The following SRPK2 variants were observed in gnomAD, a reference collection of about 807,000 sequenced individuals.
SRPK2 encodes SRSF protein kinase 2.
SRPK2 carries 21 observed loss-of-function variants against 90.8 expected under a neutral mutation model. The observed-to-expected ratio is 0.23, with a 90% CI of 0.16 to 0.33. The LOEUF is 0.33. Among genes scored for constraint, SRPK2 ranks in the 10% least tolerant of loss-of-function variants. SRPK2 has a pLI of 1.00. For missense variants in SRPK2, 620 were observed against 869.0 expected, an observed-to-expected ratio of 0.71 and a Z score of 3.60; for synonymous variants, 288 against 311.1, an observed-to-expected ratio of 0.93 and a Z score of 0.78.
At chr7:105,200,947 T>G (rs553910300) in intron 3 of SRPK2, among the ~76,000 whole-genome samples, 1 of 152,354 alleles carries the variant, frequency 6.6e-6, no homozygotes, top group African/African-American at 2.4e-5. Context: ...TAGTGAAGTA[T>G]CAGTGTTAAA....
At chr7:105,395,862 T>G (rs1260498250) in intron 1 of SRPK2, among the ~76,000 whole-genome samples, 31 of 152,208 alleles carry the variant, frequency 2.0e-4, no homozygotes, top group Admixed American at 2.0e-3. Flanking sequence ...GTATACCAAA[T>G]TAATTATCAA....
At chr7:105,348,436 T>G (rs866353272) in intron 2 of SRPK2, among the ~76,000 whole-genome samples, 1 of 149,964 alleles carries the variant, frequency 6.7e-6, no homozygotes, top group Non-Finnish European at 1.5e-5. Flanking sequence ...TTTTTTTTTT[T>G]TTTTTTGAGA....
chr7:105,246,292 A>C (rs1439781446), intron 2 of SRPK2, among the ~76,000 whole-genome samples: 1 of 151,946 alleles, frequency 6.6e-6, no homozygotes, highest in African/African-American at 2.4e-5. Flanking sequence ...CCTCCCCCTC[A>C]CCCTGCAACA....
intron 2 of SRPK2, among the ~76,000 whole-genome samples, chr7:105,207,837 C>T (rs572781926): frequency 1.1e-4 from 17 of 152,244 alleles, no homozygotes; most frequent in African/African-American, 4.1e-4. Flanking sequence ...CTTCAAAGGG[C>T]ACCATCAAGA....
chr7:105,185,836 A>G (rs1793507270), intron 3 of SRPK2, among the ~76,000 whole-genome samples: 1 of 152,192 alleles, frequency 6.6e-6, no homozygotes, highest in African/African-American at 2.4e-5. Flanking sequence ...TTAGGCACCC[A>G]ACATAGCAAT....
At chr7:105,131,107 C>T (rs1455276562) in intron 13 of SRPK2, among the ~76,000 whole-genome samples, 3 of 152,188 alleles carry the variant, frequency 2.0e-5, no homozygotes, top group Non-Finnish European at 4.4e-5. Flanking sequence ...TCCGTGACTG[C>T]GTCCTATTTT....
intron 2 of SRPK2, among the ~76,000 whole-genome samples, chr7:105,338,072 AAG>A (rs1158568998): frequency 1.7e-5 from 2 of 118,260 alleles, no homozygotes; most frequent in Non-Finnish European, 3.4e-5. Context: ...TTAAAAAAGA[AAG>A]AATATTAAAA....
At chr7:105,320,952 T>C (rs1426186315) in intron 2 of SRPK2, among the ~76,000 whole-genome samples, 2 of 152,154 alleles carry the variant, frequency 1.3e-5, no homozygotes, top group Non-Finnish European at 2.9e-5. Context: ...TGCCTCAGCC[T>C]CCTGAGTAGG....
intron 2 of SRPK2, among the ~76,000 whole-genome samples, chr7:105,317,727 CAAT>C (rs746438072): frequency 5.3e-5 from 8 of 152,184 alleles, no homozygotes; most frequent in Non-Finnish European, 1.0e-4. Flanking sequence ...AAATGTCCAA[CAAT>C]GTCATTCTTC....
intron 2 of SRPK2, among the ~76,000 whole-genome samples, chr7:105,343,984 G>A (rs1038865128): frequency 2.6e-5 from 4 of 152,112 alleles, no homozygotes; most frequent in Middle Eastern, 3.4e-3. Context: ...GGCTGGTCTC[G>A]AACTCCTGAC....
chr7:105,195,284 C>T (rs540214516), intron 3 of SRPK2, among the ~76,000 whole-genome samples: 1 of 152,192 alleles, frequency 6.6e-6, no homozygotes, highest in East Asian at 1.9e-4. Flanking sequence ...CTCCTGACCT[C>T]GTGATCTGCC....
At chr7:105,385,293 G>C (rs993507440) in intron 2 of SRPK2, among the ~76,000 whole-genome samples, 2 of 144,002 alleles carry the variant, frequency 1.4e-5, no homozygotes, top group Non-Finnish European at 3.0e-5. Flanking sequence ...CCATTCTCTC[G>C]CCTCAGCCTC....
At chr7:105,255,233 A>C (rs1585383543) in intron 2 of SRPK2, among the ~76,000 whole-genome samples, 1 of 151,664 alleles carries the variant, frequency 6.6e-6, no homozygotes, top group Non-Finnish European at 1.5e-5. Context: ...TGAAAAGAGC[A>C]ATGTTAATTA....
intron 2 of SRPK2, among the ~76,000 whole-genome samples, chr7:105,226,748 G>C (rs772234464): frequency 6.7e-6 from 1 of 149,450 alleles, no homozygotes; most frequent in Non-Finnish European, 1.5e-5. Flanking sequence ...GCTCATACCT[G>C]TAATCCTGGG....
upstream of SRPK2, chr7:105,388,970 C>A: frequency 9.1e-7 from 1 of 1,093,900 alleles, no homozygotes; most frequent in African/African-American, 1.7e-5. Context: ...CAAGACCCGC[C>A]CCCGTCCGGC....
chr7:105,298,019 C>G (rs1368955378), intron 2 of SRPK2, among the ~76,000 whole-genome samples: 1 of 152,164 alleles, frequency 6.6e-6, no homozygotes, highest in Non-Finnish European at 1.5e-5. Flanking sequence ...GGATGACAGG[C>G]GTGAGCCACC....
At chr7:105,372,704 C>T (rs1819837360) in intron 2 of SRPK2, among the ~76,000 whole-genome samples, 1 of 152,260 alleles carries the variant, frequency 6.6e-6, no homozygotes, top group Admixed American at 6.5e-5. Context: ...AATCTGGCAA[C>T]TCCAGGTAAT....
At position 105,116,839 on chromosome 7, in the gene SRPK2, G is replaced by T. The variant is rs1317215184; in HGVS notation, c.*999C>A. 1 of 152,174 alleles carries T rather than the reference G, an allele frequency of 6.6e-6. No homozygotes were observed. Among genetic ancestry groups the T allele is most frequent in the Admixed American group, 6.5e-5 (1 of 15,278 alleles). 9.4% of individuals were successfully genotyped at this position (152,174 alleles called of 1,614,324 possible). On this transcript the variant is annotated 3_prime_UTR_variant, in exon 16 of 16. Transcript: ENST00000393651. ...ATCTTTGAGCTGTGAGAAGTATTCT[G>T]CCCACTGCACTGCAAATTGTATATA...
At chr7:105,191,301 A>C (rs1351350797) in intron 3 of SRPK2, among the ~76,000 whole-genome samples, 2 of 152,132 alleles carry the variant, frequency 1.3e-5, no homozygotes, top group Non-Finnish European at 2.9e-5. Context: ...AGGCATGGTG[A>C]CTCATGCCCA....
Sources: gnomAD v4.1 joint callset for allele counts (sites outside exome capture counted in the v4.1 genomes callset) on GRCh38, gnomAD v4.1.1 for gene constraint, MANE v1.5 for transcripts, NCBI Gene and HGNC (gene_info 2026-07-23, HGNC 2026-07-21) for gene names.